Variants in GABRG3 observed in about 807,000 individuals in gnomAD.
The protein encoded by GABRG3 is gamma-aminobutyric acid type A receptor subunit gamma3, also known as gamma-aminobutyric acid receptor subunit gamma-3.
GABRG3 carries 25 observed loss-of-function variants against 48.8 expected under a neutral mutation model. The observed-to-expected ratio is 0.51, with a 90% CI of 0.37 to 0.72. The LOEUF (loss-of-function observed/expected upper bound fraction) is 0.72, where lower values mean the gene tolerates loss of function less well. GABRG3 is among the 30% of genes least tolerant of loss of function. The pLI is 0.00. For missense variants in GABRG3, 394 were observed against 577.9 expected (o/e 0.68, Z 3.26); for synonymous variants, 227 against 217.6 (o/e 1.04, Z -0.38).
chr15:27,409,207 TC>T (rs1329665758), intron 5 of GABRG3, among the ~76,000 whole-genome samples: 1 of 152,176 alleles, frequency 6.6e-6, no homozygotes, highest in African/African-American at 2.4e-5. Context: ...AAAGATTTAT[TC>T]CCATGTTTTT....
At chr15:27,154,948 A>G (rs559015769) in intron 3 of GABRG3, among the ~76,000 whole-genome samples, 100 of 152,112 alleles carry the variant, frequency 6.6e-4, no homozygotes, top group Non-Finnish European at 1.2e-3. Context: ...CCTGTAATTG[A>G]CATGCTTTCT....
intron 6 of GABRG3, among the ~76,000 whole-genome samples, chr15:27,487,300 C>G (rs1441647306): frequency 6.6e-6 from 1 of 152,148 alleles, no homozygotes; most frequent in Non-Finnish European, 1.5e-5. Context: ...TTCCATGGGA[C>G]CTGAATAAAT....
intron 3 of GABRG3, among the ~76,000 whole-genome samples, chr15:27,229,611 G>A (rs1362507013): frequency 6.6e-6 from 1 of 151,986 alleles, no homozygotes; most frequent in Non-Finnish European, 1.5e-5. Context: ...CGAGTAGATG[G>A]GATTACAGGG....
At chr15:27,163,651 C>A (rs539437510) in intron 3 of GABRG3, among the ~76,000 whole-genome samples, 17 of 152,280 alleles carry the variant, frequency 1.1e-4, no homozygotes, top group African/African-American at 3.8e-4. Flanking sequence ...ATACATAAGT[C>A]AGTGCTTCTC....
intron 2 of GABRG3, among the ~76,000 whole-genome samples, chr15:27,011,903 A>G (rs1895695358): frequency 6.6e-6 from 1 of 152,082 alleles, no homozygotes; most frequent in African/African-American, 2.4e-5. Flanking sequence ...ATTGAGGTGC[A>G]TGGCTATTCT....
intron 5 of GABRG3, among the ~76,000 whole-genome samples, chr15:27,405,739 G>A (rs1018467274): frequency 1.3e-5 from 2 of 151,932 alleles, no homozygotes; most frequent in South Asian, 2.1e-4. Flanking sequence ...GTTTTGAAGC[G>A]GCAACAGCCC....
At chr15:27,122,440 T>C (rs1453357426) in intron 3 of GABRG3, among the ~76,000 whole-genome samples, 1 of 152,240 alleles carries the variant, frequency 6.6e-6, no homozygotes, top group African/African-American at 2.4e-5. Flanking sequence ...AATAACTTGT[T>C]CAGGTTCCCA....
intron 3 of GABRG3, among the ~76,000 whole-genome samples, chr15:27,067,363 C>T (rs944700650): frequency 6.6e-6 from 1 of 152,226 alleles, no homozygotes; most frequent in African/African-American, 2.4e-5. Flanking sequence ...CCACCCGCAC[C>T]CTTCTGTGTC....
intron 3 of GABRG3, among the ~76,000 whole-genome samples, chr15:27,214,771 A>T (rs1361464053): frequency 6.6e-6 from 1 of 151,688 alleles, no homozygotes; most frequent in Admixed American, 6.6e-5. Flanking sequence ...TGGTATTGAA[A>T]CAACATTGCA....
At chr15:27,147,025 A>G (rs1286165352) in intron 3 of GABRG3, among the ~76,000 whole-genome samples, 2 of 152,072 alleles carry the variant, frequency 1.3e-5, no homozygotes, top group African/African-American at 2.4e-5. Flanking sequence ...TGACCCATAT[A>G]TATGTTGCTT....
At chr15:27,111,685 C>T (rs541363448) in intron 3 of GABRG3, among the ~76,000 whole-genome samples, 154 of 152,088 alleles carry the variant, frequency 1.0e-3, no homozygotes, top group Non-Finnish European at 1.6e-3. Context: ...TCAGCTGTAA[C>T]CCGCTGCTAT....
At chr15:27,150,815 A>T (rs1162373222) in intron 3 of GABRG3, among the ~76,000 whole-genome samples, 2 of 152,182 alleles carry the variant, frequency 1.3e-5, no homozygotes, top group African/African-American at 2.4e-5. Flanking sequence ...TGCAACCTTT[A>T]GTAGCAGGGG....
chr15:27,437,688 A>G (rs2140629207), intron 5 of GABRG3, among the ~76,000 whole-genome samples: 1 of 152,346 alleles, frequency 6.6e-6, no homozygotes. Context: ...GGGCCTATGT[A>G]GGTGTTTTCA....
At position 27,308,294 on chromosome 15, in the gene GABRG3, TAAA is replaced by T. The variant is rs1206826148; in HGVS notation, c.271-18514_271-18512del. 2.7e-4 allele frequency among the ~76,000 whole-genome samples: 36 copies of T among 134,356 alleles called. 1 individual carries two copies. The highest frequency in any genetic ancestry group is 5.9e-4 in the African/African-American group (19 of 32,142). 88.1% of individuals were successfully genotyped at this position (134,356 alleles called of 152,430 possible). On this transcript the variant is annotated intron_variant, in intron 3 of 9. Coordinates refer to ENST00000615808, the MANE Select transcript of GABRG3 (RefSeq NM_033223.5). ...CATAATATAAACATACGTTTATATATAAACATCATATAAACATATATAAACATA... is the reference window on the plus strand; with the variant it reads ...CATAATATAAACATACGTTTATATATCATCATATAAACATATATAAACATA...
intron 5 of GABRG3, among the ~76,000 whole-genome samples, chr15:27,389,438 C>G (rs917311982): frequency 6.6e-6 from 1 of 152,136 alleles, no homozygotes; most frequent in African/African-American, 2.4e-5. Flanking sequence ...TAAATGAAAG[C>G]TTTTTCAACC....
At chr15:27,431,932 C>T (rs1406371962) in intron 5 of GABRG3, among the ~76,000 whole-genome samples, 1 of 152,014 alleles carries the variant, frequency 6.6e-6, no homozygotes, top group African/African-American at 2.4e-5. Context: ...ATTTAATTTC[C>T]ACATTTTTGT....
intron 3 of GABRG3, among the ~76,000 whole-genome samples, chr15:27,156,136 A>G (rs1470275896): frequency 1.3e-5 from 2 of 151,724 alleles, no homozygotes; most frequent in South Asian, 4.2e-4. Flanking sequence ...TGTCTCTACT[A>G]AAAATACAAA....
At chr15:27,397,584 T>A (rs942681321) in intron 5 of GABRG3, among the ~76,000 whole-genome samples, 3 of 152,170 alleles carry the variant, frequency 2.0e-5, no homozygotes, top group East Asian at 3.9e-4. Flanking sequence ...TTGGATTTTT[T>A]AATTCACATT....
At chr15:27,433,914 T>C (rs1207622386) in intron 5 of GABRG3, among the ~76,000 whole-genome samples, 1 of 152,176 alleles carries the variant, frequency 6.6e-6, no homozygotes, top group Non-Finnish European at 1.5e-5. Flanking sequence ...ACTAAAAAGC[T>C]AAGATTAATA....
Sources: gnomAD v4.1 joint callset for allele counts (sites outside exome capture counted in the v4.1 genomes callset) on GRCh38, gnomAD v4.1.1 for gene constraint, MANE v1.5 for transcripts, NCBI Gene and HGNC (gene_info 2026-07-23, HGNC 2026-07-21) for gene names.